Variants in NAV1 observed in about 807,000 individuals in gnomAD.
NAV1 encodes the protein neuron navigator 1.
A neutral mutation model predicts 175.2 loss-of-function variants in NAV1; 18 were observed. That is an observed-to-expected ratio of 0.10 (90% CI 0.07 to 0.15). NAV1 has a LOEUF of 0.15. NAV1 is among the 10% of genes least tolerant of loss of function. The probability of loss-of-function intolerance (pLI) is 1.00; values close to 1 mark genes in which losing one functional copy is unlikely to be tolerated. For synonymous variants in NAV1, 897 were observed against 978.7 expected (o/e 0.92, Z 1.56); for missense variants, 1,731 against 2,436.6 (o/e 0.71, Z 6.10).
At chr1:201,749,400 A>G (rs963912576) in intron 3 of NAV1, among the ~76,000 whole-genome samples, 9 of 152,228 alleles carry the variant, frequency 5.9e-5, no homozygotes, top group African/African-American at 2.2e-4. Flanking sequence ...TTGTCTTTCC[A>G]AAATGGTTCT....
upstream of NAV1, chr1:201,622,876 T>C: frequency 1.0e-6 from 1 of 986,056 alleles, no homozygotes; most frequent in South Asian, 4.7e-5. Flanking sequence ...ACTTCCAGCC[T>C]TGCAGACCAT....
chr1:201,642,103 CCT>C lies in NAV1; in HGVS notation c.5-6528_5-6527del, dbSNP rs762824165. Among the ~76,000 whole-genome samples, 110 of 147,596 alleles carry C rather than the reference CCT, an allele frequency of 7.5e-4. 2 individuals carry two copies. Among genetic ancestry groups the C allele is most frequent in the Admixed American group, 2.4e-3 (36 of 14,782 alleles). On this transcript the variant is annotated intron_variant, in intron 2 of 29. Transcript: ENST00000367302. ...CCCTCCCTCCCTCCTTCCTTCCCTT[CCT>C]CTTTCTTTCTTCCCTTTCTTCTCTC...
chr1:201,556,785 C>T (rs140982910), intron 1 of NAV1, among the ~76,000 whole-genome samples: 1 of 152,372 alleles, frequency 6.6e-6, no homozygotes, highest in East Asian at 1.9e-4. Flanking sequence ...ATGCCCCTCT[C>T]CTCACCAGCA....
At chr1:201,623,520 C>G in exon 1 of NAV1, 1 of 986,184 alleles carries the variant, frequency 1.0e-6, no homozygotes. Context: ...GCAAGCGCCC[C>G]TCTCCCTCTC....
At chr1:201,649,057 G>T (rs1457551510) in exon 1 of NAV1, 2 of 1,613,456 alleles carry the variant, frequency 1.2e-6, no homozygotes, top group Admixed American at 1.7e-5. Context: ...TCCAAGGGCC[G>T]TGAAGCTCCG....
At chr1:201,757,376 C>A (rs2102621003) in intron 3 of NAV1, among the ~76,000 whole-genome samples, 1 of 152,192 alleles carries the variant, frequency 6.6e-6, no homozygotes, top group African/African-American at 2.4e-5. Context: ...CTCAAGCTGT[C>A]TTCCTTTCTC....
intron 1 of NAV1, among the ~76,000 whole-genome samples, chr1:201,700,543 T>C (rs2102439706): frequency 6.6e-6 from 1 of 152,338 alleles, no homozygotes; most frequent in South Asian, 2.1e-4. Flanking sequence ...TCCAAGGATC[T>C]AGAACGAGAA....
At position 201,813,376 on chromosome 1, in the gene NAV1, C is replaced by A; in HGVS notation, c.5340+118C>A. 1 of 697,004 alleles carries A rather than the reference C, an allele frequency of 1.4e-6. No homozygotes were observed. Among genetic ancestry groups the A allele is most frequent in the Non-Finnish European group, 2.4e-6 (1 of 413,940 alleles). The allele number at this position is 697,004 out of a possible 1,614,324, so 43.2% of individuals were successfully genotyped here. ...AGGATTAGTTAGGTTCTCTTTCTAA[C>A]AGGTGGAGCAAGGCACTGGGTAGAC... On this transcript the variant is annotated intron_variant, in intron 28 of 29. Transcript: ENST00000367296. The surrounding 1 kb of genome is among the most constrained non-coding windows in gnomAD (Gnocchi z 4.2).
Position 201,793,885 on chromosome 1 carries a change from CT to C in NAV1, c.3405+11del. ...GACGGCCGAGGAGAAGGTGAGAGGC[CT>C]GGGAAAGGGTGGGAGGGGTGGGTGC... is the stretch of plus-strand genomic sequence containing the variant. On this transcript the variant is annotated intron_variant, in intron 14 of 29. Coordinates refer to ENST00000367296, the Ensembl canonical transcript of NAV1. 1 of 538,462 alleles carries C rather than the reference CT, an allele frequency of 1.9e-6. No individual in the cohort carries two copies. Among genetic ancestry groups the C allele is most frequent in the Admixed American group, 2.2e-5 (1 of 45,780 alleles). The allele number at this position is 538,462 out of a possible 1,614,324, so 33.4% of individuals were successfully genotyped here.
chr1:201,808,072 A>G lies in NAV1; in HGVS notation c.3768A>G (p.Leu1256=). Reference sequence around the variant, plus strand: ...CTTCAGCCCCCTCATCCCCCAAACTACAGCATGGTTCTACAGAGACTGCTT... The same window carrying G: ...CTTCAGCCCCCTCATCCCCCAAACTGCAGCATGGTTCTACAGAGACTGCTT... Residue 1256 remains leucine, a synonymous_variant, in exon 18 of 30, where the codon CTA becomes CTG. Coordinates refer to ENST00000367296, the Ensembl canonical transcript of NAV1. The surrounding 1 kb of genome is among the most constrained non-coding windows in gnomAD (Gnocchi z 5.5). 4 of 1,614,138 alleles carry G rather than the reference A, an allele frequency of 2.5e-6. No homozygotes were observed. The highest frequency in any genetic ancestry group is 3.4e-6 in the Non-Finnish European group (4 of 1,180,028).
chr1:201,555,888 A>C (rs1252621576), intron 1 of NAV1, among the ~76,000 whole-genome samples: 5 of 150,524 alleles, frequency 3.3e-5, no homozygotes, highest in Non-Finnish European at 7.4e-5. Context: ...GGGCAGATTT[A>C]ATAACAGCTT....
intron 29 of NAV1, among the ~76,000 whole-genome samples, chr1:201,819,181 T>A (rs1025813003): frequency 1.3e-5 from 2 of 152,202 alleles, no homozygotes; most frequent in Non-Finnish European, 2.9e-5. Context: ...ATAGCATTTC[T>A]CACATTCCTC....
In NAV1 at chr1:201,809,899, C is replaced by G. The variant is rs765173429; in HGVS notation, c.4402-47C>G. The G allele has an allele frequency of 2.6e-6, 4 of 1,556,770 alleles. No homozygotes were observed. The South Asian group carries it at 3.4e-5, about 13-fold the overall frequency. ...GACATTCTTTGTTGTGGCTTTTACA[C>G]CTGTGTTTGTATATTTTCTTCTTCT... On this transcript the variant is annotated intron_variant, in intron 22 of 29. Transcript: ENST00000367296.
At chr1:201,709,462 G>A (rs1403173698) in intron 1 of NAV1, among the ~76,000 whole-genome samples, 2 of 152,228 alleles carry the variant, frequency 1.3e-5, no homozygotes, top group African/African-American at 4.8e-5. Flanking sequence ...CCCCTCTGCA[G>A]CCTCTGGAGC....
At chr1:201,767,428 GT>G (rs1178512550) in intron 3 of NAV1, among the ~76,000 whole-genome samples, 12 of 151,812 alleles carry the variant, frequency 7.9e-5, no homozygotes, top group African/African-American at 2.9e-4. Context: ...TCCAGCCTGG[GT>G]GACAGGGCGA....
chr1:201,710,798 G>C (rs959099490), intron 1 of NAV1, among the ~76,000 whole-genome samples: 5 of 152,208 alleles, frequency 3.3e-5, no homozygotes, highest in African/African-American at 1.2e-4. Context: ...TCCCAGAAAT[G>C]TTGCAAGGAT....
intron 2 of NAV1, among the ~76,000 whole-genome samples, chr1:201,614,029 C>G (rs1667928637): frequency 1.5e-5 from 1 of 66,298 alleles, no homozygotes; most frequent in Non-Finnish European, 2.8e-5. Context: ...TCTGAGGGGA[C>G]TGGGTGGGGG....
chr1:201,627,019 G>A (rs570677472), intron 1 of NAV1, among the ~76,000 whole-genome samples: 1 of 152,344 alleles, frequency 6.6e-6, no homozygotes, highest in South Asian at 2.1e-4. Flanking sequence ...TATGACTGAT[G>A]TAACCTCACC....
chr1:201,589,751 C>T (rs779963395), intron 2 of NAV1, among the ~76,000 whole-genome samples: 13 of 152,166 alleles, frequency 8.5e-5, no homozygotes, highest in African/African-American at 1.7e-4. Context: ...CTTGGCCTCC[C>T]GAAGAGCTGG....
Sources: gnomAD v4.1 joint callset for allele counts (sites outside exome capture counted in the v4.1 genomes callset) on GRCh38, gnomAD v4.1.1 for gene constraint, Gnocchi (gnomAD v3.1) non-coding constraint, MANE v1.5 for transcripts, NCBI Gene and HGNC (gene_info 2026-07-23, HGNC 2026-07-21) for gene names.